DOCK3: variants seen among roughly 807,000 people sequenced by gnomAD.
DOCK3 encodes the protein dedicator of cytokinesis protein 3.
DOCK3 carries 60 observed loss-of-function variants against 265.6 expected under a neutral mutation model. The ratio of observed to expected loss-of-function variants is 0.23; its 90% CI spans 0.18 to 0.28. The LOEUF is 0.28. Ranked by LOEUF, DOCK3 falls within the 10% of genes least tolerant of loss-of-function variation. The pLI, the probability that DOCK3 is intolerant of heterozygous loss-of-function variation, is 1.00. For missense variants in DOCK3, 1,981 were observed against 2,594.3 expected, an observed-to-expected ratio of 0.76 and a Z score of 5.14; for synonymous variants, 881 against 938.0, an observed-to-expected ratio of 0.94 and a Z score of 1.11.
At chr3:50,900,861 G>A in intron 4 of DOCK3, 1 of 416,500 alleles carries the variant, frequency 2.4e-6, no homozygotes, top group East Asian at 7.8e-5. Context: ...TGTCCCAGAG[G>A]GGCACCCACC....
intron 4 of DOCK3, among the ~76,000 whole-genome samples, chr3:50,907,565 A>G (rs2049593008): frequency 6.6e-6 from 1 of 152,040 alleles, no homozygotes; most frequent in South Asian, 2.1e-4. Context: ...ATCAGAGACT[A>G]GGATTGCAAC....
Position 51,143,558 on chromosome 3 carries a change from C to T in DOCK3, c.747-2991C>T, listed in dbSNP as rs1222589046. Among the ~76,000 whole-genome samples the T allele has an allele frequency of 2.0e-5, 3 of 152,286 alleles. No individual in the cohort carries two copies. The East Asian group carries it at 5.8e-4, about 29-fold the overall frequency. The stretch of plus-strand genomic sequence containing the variant: ...GTGCTGGGATTACAAGTGTGAGCCA[C>T]CACACCCAGCCCTCACTGTGTTTTT... On this transcript the variant is annotated intron_variant, in intron 9 of 52. Transcript: ENST00000266037.
intron 27 of DOCK3, among the ~76,000 whole-genome samples, chr3:51,301,399 T>C (rs138598643): frequency 6.6e-6 from 1 of 152,102 alleles, no homozygotes; most frequent in Admixed American, 6.6e-5. Context: ...TTCATGTCTC[T>C]ATCTCCTTTA....
At chr3:50,781,291 C>T (rs1406425317) in intron 2 of DOCK3, among the ~76,000 whole-genome samples, 7 of 106,498 alleles carry the variant, frequency 6.6e-5, no homozygotes, top group Non-Finnish European at 1.8e-5. Flanking sequence ...TTTTTGGAGA[C>T]AGGGTCTCAT....
At chr3:50,806,492 G>A (rs1222375778) in intron 2 of DOCK3, among the ~76,000 whole-genome samples, 1 of 151,154 alleles carries the variant, frequency 6.6e-6, no homozygotes, top group Non-Finnish European at 1.5e-5. Flanking sequence ...TTGGCTCCTT[G>A]TAGGCTCAGG....
chr3:51,029,090 T>C (rs1195192893), intron 5 of DOCK3, among the ~76,000 whole-genome samples: 1 of 152,184 alleles, frequency 6.6e-6, no homozygotes, highest in Non-Finnish European at 1.5e-5. Flanking sequence ...GATTTTTTAT[T>C]CTTCTTTCCC....
intron 5 of DOCK3, 38 bp downstream of exon 5, chr3:50,934,115 T>C: frequency 7.1e-7 from 1 of 1,402,552 alleles, no homozygotes; most frequent in East Asian, 2.3e-5. Flanking sequence ...ATCATTAAAG[T>C]TTAGTGTACC....
chr3:51,111,155 A>G (rs2083499071), intron 9 of DOCK3, among the ~76,000 whole-genome samples: 1 of 152,226 alleles, frequency 6.6e-6, no homozygotes, highest in African/African-American at 2.4e-5. Context: ...TGAGAATTAC[A>G]AAACACTGTT....
intron 5 of DOCK3, among the ~76,000 whole-genome samples, chr3:50,961,454 A>G (rs1243581829): frequency 6.6e-6 from 1 of 152,178 alleles, no homozygotes; most frequent in Admixed American, 6.5e-5. Flanking sequence ...CCTTCATGAT[A>G]TGGTGACTTT....
chr3:50,758,470 A>T (rs907214494), intron 1 of DOCK3, among the ~76,000 whole-genome samples: 50 of 152,210 alleles, frequency 3.3e-4, no homozygotes, highest in African/African-American at 1.2e-3. Context: ...ATATATAATT[A>T]AATTTATAGT....
At chr3:50,878,075 G>A (rs1332556068) in intron 3 of DOCK3, among the ~76,000 whole-genome samples, 1 of 152,164 alleles carries the variant, frequency 6.6e-6, no homozygotes, top group Non-Finnish European at 1.5e-5. Context: ...CTGTTAGAAG[G>A]AAAACTAACA....
At chr3:51,309,522 G>A (rs966668689) in intron 27 of DOCK3, among the ~76,000 whole-genome samples, 6 of 152,210 alleles carry the variant, frequency 3.9e-5, no homozygotes, top group Non-Finnish European at 8.8e-5. Flanking sequence ...GCAGTGAGCC[G>A]AGATGGCAGC....
At chr3:50,696,753 A>C (rs1443718469) in intron 1 of DOCK3, among the ~76,000 whole-genome samples, 1 of 152,178 alleles carries the variant, frequency 6.6e-6, no homozygotes, top group Admixed American at 6.6e-5. Flanking sequence ...CATATGCACA[A>C]GTAAAATTTT....
At chr3:51,095,175 G>A (rs2082793859) in intron 9 of DOCK3, among the ~76,000 whole-genome samples, 1 of 152,134 alleles carries the variant, frequency 6.6e-6, no homozygotes, top group African/African-American at 2.4e-5. Flanking sequence ...GGTTAACATT[G>A]TTATGTGTGA....
intron 5 of DOCK3, among the ~76,000 whole-genome samples, chr3:50,963,623 A>G (rs1343665744): frequency 2.0e-5 from 3 of 152,348 alleles, no homozygotes; most frequent in South Asian, 2.1e-4. Context: ...AACAACAGCA[A>G]CATCACAGAT....
chr3:51,075,327 A>G, intron 6 of DOCK3, 29 bp from the exon 7 acceptor site: 1 of 1,580,642 alleles, frequency 6.3e-7, no homozygotes, highest in Admixed American at 1.8e-5. Flanking sequence ...AGTACATGGC[A>G]TACTGAGTGT....
chr3:50,944,721 G>A (rs2076383061), intron 5 of DOCK3, among the ~76,000 whole-genome samples: 1 of 152,160 alleles, frequency 6.6e-6, no homozygotes. Context: ...CACTTTGGGA[G>A]GTTGAGGTGA....
At chr3:50,910,662 T>C (rs1288341377) in intron 4 of DOCK3, among the ~76,000 whole-genome samples, 2 of 152,140 alleles carry the variant, frequency 1.3e-5, no homozygotes, top group African/African-American at 4.8e-5. Context: ...TTCTGCCTTG[T>C]GTTATGTTCT....
intron 10 of DOCK3, among the ~76,000 whole-genome samples, chr3:51,157,924 G>T (rs59794491): frequency 6.3e-5 from 9 of 142,288 alleles, no homozygotes; most frequent in Middle Eastern, 3.6e-3. Context: ...TCCTGCCTCA[G>T]CCTCCCGAGT....
Sources: allele counts gnomAD v4.1 joint callset (sites outside exome capture counted in the v4.1 genomes callset), GRCh38; gene constraint gnomAD v4.1.1; transcripts MANE v1.5; gene names NCBI Gene and HGNC (gene_info 2026-07-23, HGNC 2026-07-21).